Variants in JCAD observed in about 807,000 individuals in gnomAD.
The protein encoded by JCAD is junctional cadherin 5-associated protein.
A neutral mutation model predicts 98.0 loss-of-function variants in JCAD; 40 were observed. The observed-to-expected ratio is 0.41, with a 90% CI of 0.32 to 0.53. The LOEUF is 0.53. Among genes scored for constraint, JCAD ranks in the 20% least tolerant of loss-of-function variants. The probability of loss-of-function intolerance (pLI) is 0.31; values close to 1 mark genes in which losing one functional copy is unlikely to be tolerated. For missense variants in JCAD, 1,705 were observed against 1,738.1 expected, an observed-to-expected ratio of 0.98 and a Z score of 0.34; for synonymous variants, 691 against 682.3, an observed-to-expected ratio of 1.01 and a Z score of -0.20.
intron 2 of JCAD, chr10:30,044,883 G>T: frequency 1.4e-6 from 1 of 729,546 alleles, no homozygotes; most frequent in Non-Finnish European, 1.7e-6. Context: ...AGTCTCTGAA[G>T]CTTGGGGCAC....
At chr10:30,064,708 A>G (rs912088264) in intron 2 of JCAD, among the ~76,000 whole-genome samples, 1 of 150,808 alleles carries the variant, frequency 6.6e-6, no homozygotes, top group Non-Finnish European at 1.5e-5. Flanking sequence ...GTCTCGCTCT[A>G]TCACCCAGGC....
At chr10:30,080,869 A>G (rs1191188447) in intron 1 of JCAD, among the ~76,000 whole-genome samples, 1 of 152,156 alleles carries the variant, frequency 6.6e-6, no homozygotes, top group Non-Finnish European at 1.5e-5. Context: ...CTGCCCTCTT[A>G]TGGTCAAACA....
At chr10:30,040,073 G>A (rs1373881559) in intron 2 of JCAD, among the ~76,000 whole-genome samples, 1 of 152,168 alleles carries the variant, frequency 6.6e-6, no homozygotes, top group Non-Finnish European at 1.5e-5. Context: ...GGTGCGGGTG[G>A]CACACAGGAA....
At position 30,057,430 on chromosome 10, in the gene JCAD, A is replaced by G. The variant is rs563188281; in HGVS notation, c.-60+2052T>C. ...TATTTATTTTCCTTGTGTACCTCCA[A>G]CCCTGCTACATTTTATAGCTGCCGA... On this transcript the variant is annotated intron_variant, in intron 1 of 3. Coordinates refer to ENST00000375377, the MANE Select transcript of JCAD (RefSeq NM_020848.4). Among the ~76,000 whole-genome samples the G allele has an allele frequency of 4.6e-5, 7 of 152,200 alleles. No individual in the cohort carries two copies. The South Asian group carries it at 1.5e-3, about 32-fold the overall frequency.
In JCAD at chr10:30,026,183, T is replaced by C. The variant is rs1334923806; in HGVS notation, c.3965A>G (p.Lys1322Arg). 6 of 1,614,080 alleles carry C rather than the reference T, an allele frequency of 3.7e-6. No individual in the cohort carries two copies. The highest frequency in any genetic ancestry group is 5.1e-6 in the Non-Finnish European group (6 of 1,180,054). Reference protein sequence around the residue: ...QRLGHSLSVSKDSISREEKEH... With the variant: ...QRLGHSLSVSRDSISREEKEH... Reference sequence around the variant, plus strand: ...CTTCTCTTCCCTGGAGATGCTGTCCTTGGACACAGAGAGTGAGTGGCCCAA... The same window carrying C: ...CTTCTCTTCCCTGGAGATGCTGTCCCTGGACACAGAGAGTGAGTGGCCCAA... The change falls in exon 3 of 4, where the codon AAG becomes AGG. Residue 1322 changes from lysine to arginine, a missense_variant. Physicochemically the swap from Lys to Arg is conservative, Grantham distance 26. Transcript: ENST00000375377.
At chr10:30,076,422 C>G (rs1288545618) in intron 1 of JCAD, among the ~76,000 whole-genome samples, 1 of 152,172 alleles carries the variant, frequency 6.6e-6, no homozygotes, top group East Asian at 1.9e-4. Flanking sequence ...TTACAATGTA[C>G]AGGTGTTTGC....
At chr10:30,038,706 G>A (rs1041432006) in intron 2 of JCAD, among the ~76,000 whole-genome samples, 33 of 117,796 alleles carry the variant, frequency 2.8e-4, no homozygotes, top group East Asian at 6.7e-4. Flanking sequence ...AAAAAAAAAA[G>A]AAAGAAAGAA....
intron 1 of JCAD, among the ~76,000 whole-genome samples, chr10:30,097,341 G>A (rs1187702558): frequency 6.6e-6 from 1 of 152,154 alleles, no homozygotes; most frequent in African/African-American, 2.4e-5. Flanking sequence ...GACAAAGGAG[G>A]AAATGTCAAA....
At chr10:30,046,002 G>A (rs1025416099) in intron 2 of JCAD, among the ~76,000 whole-genome samples, 2 of 152,318 alleles carry the variant, frequency 1.3e-5, no homozygotes, top group East Asian at 1.9e-4. Flanking sequence ...GGGTGACCTC[G>A]AACCATGGAA....
At chr10:30,041,936 A>G (rs1269699934) in intron 2 of JCAD, among the ~76,000 whole-genome samples, 1 of 152,184 alleles carries the variant, frequency 6.6e-6, no homozygotes, top group Admixed American at 6.5e-5. Flanking sequence ...CCATGTGCAG[A>G]TAACACAGTT....
rs1037065263 is a variant in JCAD, at chr10:30,018,541, G to A, written c.4046-624C>T. On this transcript the variant is annotated intron_variant, in intron 3 of 3. Transcript: ENST00000375377. ...GGTATGTACGAGTCTGGCCCCTCAC[G>A]CACTGATCCATTCTACTGCCGTCAA... 2.6e-5 allele frequency among the ~76,000 whole-genome samples: 4 copies of A among 152,078 alleles called. No individual in the cohort carries two copies. The East Asian group carries it at 5.8e-4, about 22-fold the overall frequency.
At chr10:30,096,886 T>TAGATCTCTG (rs1400432154) in intron 1 of JCAD, among the ~76,000 whole-genome samples, 4 of 152,204 alleles carry the variant, frequency 2.6e-5, no homozygotes, top group African/African-American at 9.7e-5. Context: ...CTGCTGGAAA[T>TAGATCTCTG]AGATCTCTGA....
chr10:30,018,016 A>G, intron 3 of JCAD, 99 bp from the exon 4 acceptor site: 2 of 870,534 alleles, frequency 2.3e-6, no homozygotes, highest in South Asian at 1.5e-5. Context: ...AACAAAATCT[A>G]CAAGTGTATA....
At chr10:30,018,043 C>G (rs934332871) in intron 3 of JCAD, 126 bp from the exon 4 acceptor site, 2 of 690,054 alleles carry the variant, frequency 2.9e-6, no homozygotes, top group Non-Finnish European at 4.8e-6. Flanking sequence ...AATTTTTAGA[C>G]ATTTTAACAA....
upstream of JCAD, among the ~76,000 whole-genome samples, chr10:30,063,906 A>G (rs1369353334): frequency 2.0e-5 from 3 of 151,928 alleles, no homozygotes; most frequent in Admixed American, 2.0e-4. Flanking sequence ...GTCAGGGTTC[A>G]TGCAATTCTC....
intron 1 of JCAD, among the ~76,000 whole-genome samples, chr10:30,113,520 C>T (rs1460617984): frequency 7.6e-6 from 1 of 130,962 alleles, no homozygotes. Context: ...CACTGCACTC[C>T]AGCCTGGGCG....
At chr10:30,034,247 A>AATAATG (rs1211849881) in intron 2 of JCAD, among the ~76,000 whole-genome samples, 1 of 151,196 alleles carries the variant, frequency 6.6e-6, no homozygotes, top group African/African-American at 2.4e-5. Flanking sequence ...TAATAATAAT[A>AATAATG]ATGATAATAA....
chr10:30,029,346 T>G lies in JCAD; in HGVS notation c.802A>C (p.Asn268His). 1 of 1,613,944 alleles carries G rather than the reference T, an allele frequency of 6.2e-7. No homozygotes were observed. Residue 268 changes from asparagine to histidine, a missense_variant, in exon 3 of 4, where the codon AAT becomes CAT. Transcript: ENST00000375377. ...TCAGAATTCCTCGTGGAGTCCAAAT[T>G]TGGTGCGCAAGTGGGAGGATACGGT... ...MPPYPPTCAP[N>H]LDSTRNSEKS...
chr10:30,024,293 G>A (rs535477829), intron 3 of JCAD, among the ~76,000 whole-genome samples: 1 of 152,260 alleles, frequency 6.6e-6, no homozygotes, highest in South Asian at 2.1e-4. Flanking sequence ...CAATTTTCAG[G>A]AAGATGTAGG....
Sources: allele counts gnomAD v4.1 joint callset (sites outside exome capture counted in the v4.1 genomes callset), GRCh38; gene constraint gnomAD v4.1.1; transcripts MANE v1.5; gene names NCBI Gene and HGNC (gene_info 2026-07-23, HGNC 2026-07-21).